The following TAFA1 variants were observed in gnomAD, a reference collection of about 807,000 sequenced individuals.
The protein encoded by TAFA1 is TAFA chemokine like family member 1.
TAFA1 carries 4 observed loss-of-function variants against 18.5 expected under a neutral mutation model. That is an observed-to-expected ratio of 0.22 (90% CI 0.11 to 0.49). The LOEUF (loss-of-function observed/expected upper bound fraction) is 0.49, where lower values mean the gene tolerates loss of function less well. Among genes scored for constraint, TAFA1 ranks in the 20% least tolerant of loss-of-function variants. The pLI is 0.98. For synonymous variants in TAFA1, 56 were observed against 55.2 expected, an observed-to-expected ratio of 1.01 and a Z score of -0.06; for missense variants, 147 against 169.0, an observed-to-expected ratio of 0.87 and a Z score of 0.72.
intron 2 of TAFA1, among the ~76,000 whole-genome samples, chr3:68,313,370 A>G (rs1302561144): frequency 6.6e-6 from 1 of 152,166 alleles, no homozygotes; most frequent in Admixed American, 6.5e-5. Flanking sequence ...GATGCTAGAT[A>G]GGTGCAGTCT....
At chr3:68,082,208 C>T (rs555958238) in intron 2 of TAFA1, among the ~76,000 whole-genome samples, 12 of 152,258 alleles carry the variant, frequency 7.9e-5, no homozygotes, top group African/African-American at 1.4e-4. Context: ...GCTGCGCCCA[C>T]TGTCTGGCAC....
intron 3 of TAFA1, among the ~76,000 whole-genome samples, chr3:68,501,016 A>T (rs1473318250): frequency 6.6e-6 from 1 of 151,906 alleles, no homozygotes; most frequent in Admixed American, 6.6e-5. Context: ...TTAGCCAGGC[A>T]TGGTGGCAAG....
intron 2 of TAFA1, among the ~76,000 whole-genome samples, chr3:68,049,629 T>A (rs1017949195): frequency 5.9e-5 from 9 of 151,684 alleles, no homozygotes; most frequent in Admixed American, 6.6e-5. Context: ...TATTTCCCAA[T>A]TGAGGCTGGT....
intron 2 of TAFA1, among the ~76,000 whole-genome samples, chr3:68,412,228 C>T (rs939978549): frequency 1.3e-5 from 2 of 152,030 alleles, no homozygotes; most frequent in Admixed American, 6.6e-5. Flanking sequence ...GAAATGACAG[C>T]ATGTACGTCA....
chr3:68,017,777 T>C (rs972434495), intron 2 of TAFA1, among the ~76,000 whole-genome samples: 1 of 152,238 alleles, frequency 6.6e-6, no homozygotes, highest in Admixed American at 6.5e-5. Context: ...CCAGAAAGTT[T>C]TGAGTCCTCG....
At chr3:68,509,186 A>G (rs1359106095) in intron 3 of TAFA1, among the ~76,000 whole-genome samples, 6 of 152,136 alleles carry the variant, frequency 3.9e-5, no homozygotes, top group Non-Finnish European at 2.9e-5. Flanking sequence ...TGTCACTTTG[A>G]TTACCAAAAT....
At chr3:68,528,654 A>C (rs1303153800) in intron 3 of TAFA1, among the ~76,000 whole-genome samples, 1 of 152,174 alleles carries the variant, frequency 6.6e-6, no homozygotes, top group East Asian at 1.9e-4. Flanking sequence ...TTTAAATTGC[A>C]TGACAGGTTG....
At chr3:68,003,122 G>C (rs543184197), upstream of TAFA1, among the ~76,000 whole-genome samples, 13 of 152,292 alleles carry the variant, frequency 8.5e-5, no homozygotes, top group African/African-American at 2.6e-4. Context: ...AATCTGTTTA[G>C]AGGTAAGATT....
chr3:68,451,352 A>T (rs1431295739), intron 3 of TAFA1, among the ~76,000 whole-genome samples: 2 of 152,204 alleles, frequency 1.3e-5, no homozygotes, highest in Admixed American at 6.6e-5. Context: ...CAGTTGACTG[A>T]TATCCAGAGG....
At chr3:68,378,154 C>T (rs904464224) in intron 2 of TAFA1, among the ~76,000 whole-genome samples, 1 of 152,212 alleles carries the variant, frequency 6.6e-6, no homozygotes, top group Non-Finnish European at 1.5e-5. Flanking sequence ...GGGCCACCAT[C>T]CTCTAGAACC....
chr3:68,346,566 G>C (rs2069167872), intron 2 of TAFA1, among the ~76,000 whole-genome samples: 1 of 152,182 alleles, frequency 6.6e-6, no homozygotes, highest in African/African-American at 2.4e-5. Flanking sequence ...CAGTATTTGG[G>C]AGTGTTCTTT....
chr3:68,444,613 T>C (rs75870678), intron 3 of TAFA1, among the ~76,000 whole-genome samples: 1 of 152,018 alleles, frequency 6.6e-6, no homozygotes, highest in Non-Finnish European at 1.5e-5. Flanking sequence ...TATAAAATGC[T>C]GCTGCTAGCT....
chr3:68,237,423 CACAA>C (rs1380018564), intron 2 of TAFA1, among the ~76,000 whole-genome samples: 2 of 152,186 alleles, frequency 1.3e-5, no homozygotes, highest in African/African-American at 4.8e-5. Context: ...CTTGGGAGGA[CACAA>C]ACATTCAGAC....
rs551271850 is a variant in TAFA1 at position 68,284,095 on chromosome 3, T to G, written c.119-133185T>G. ...GATACCCACCTTGGCCAAGTTATTTTGAAAGACAGAAGAATTAAATGAGAT... is the reference window on the plus strand; with the variant it reads ...GATACCCACCTTGGCCAAGTTATTTGGAAAGACAGAAGAATTAAATGAGAT... On this transcript the variant is annotated intron_variant, in intron 2 of 4. Coordinates refer to ENST00000478136, the MANE Select transcript of TAFA1 (RefSeq NM_213609.4). Among the ~76,000 whole-genome samples, 4 of 152,150 alleles carry G rather than the reference T, an allele frequency of 2.6e-5. No homozygotes were observed. In the South Asian group the frequency reaches 8.3e-4, roughly 32 times the overall value.
At chr3:68,136,426 G>C (rs1037109564) in intron 2 of TAFA1, among the ~76,000 whole-genome samples, 3 of 152,136 alleles carry the variant, frequency 2.0e-5, no homozygotes, top group Non-Finnish European at 2.9e-5. Context: ...AGCCTTTTCT[G>C]GAGACCAGCA....
At chr3:68,496,057 A>G (rs985087697) in intron 3 of TAFA1, among the ~76,000 whole-genome samples, 1 of 150,992 alleles carries the variant, frequency 6.6e-6, no homozygotes, top group African/African-American at 2.4e-5. Context: ...CAAATCAAAT[A>G]TCACTGTGTC....
chr3:68,386,179 A>G (rs771106791), intron 2 of TAFA1, among the ~76,000 whole-genome samples: 1 of 152,132 alleles, frequency 6.6e-6, no homozygotes. Context: ...GTAACACACG[A>G]TAGATACTGT....
chr3:68,071,646 T>C (rs2064756565), intron 2 of TAFA1, among the ~76,000 whole-genome samples: 1 of 152,138 alleles, frequency 6.6e-6, no homozygotes, highest in South Asian at 2.1e-4. Flanking sequence ...TCCCCCTCTG[T>C]ATTAGGCTGT....
At chr3:68,051,326 A>G (rs188246910) in intron 2 of TAFA1, among the ~76,000 whole-genome samples, 24 of 152,288 alleles carry the variant, frequency 1.6e-4, no homozygotes, top group Non-Finnish European at 2.8e-4. Flanking sequence ...ATAGTTCTTA[A>G]GATTCTTACT....
Sources: gnomAD v4.1 joint callset for allele counts (sites outside exome capture counted in the v4.1 genomes callset) on GRCh38, gnomAD v4.1.1 for gene constraint, MANE v1.5 for transcripts, NCBI Gene and HGNC (gene_info 2026-07-23, HGNC 2026-07-21) for gene names.